Variants in NPAS3 observed in about 807,000 individuals in gnomAD.
NPAS3 encodes neuronal PAS domain protein 3.
A neutral mutation model predicts 73.1 loss-of-function variants in NPAS3; 14 were observed. The observed-to-expected ratio is 0.19, with a 90% CI of 0.13 to 0.30. NPAS3 has a LOEUF of 0.30. Ranked by LOEUF, NPAS3 falls within the 10% of genes least tolerant of loss-of-function variation. The probability of loss-of-function intolerance (pLI) is 1.00; values close to 1 mark genes in which losing one functional copy is unlikely to be tolerated. For synonymous variants in NPAS3, 620 were observed against 541.5 expected, an observed-to-expected ratio of 1.14 and a Z score of -2.01; for missense variants, 1,096 against 1,250.0, an observed-to-expected ratio of 0.88 and a Z score of 1.86.
At chr14:33,250,639 A>G (rs894949020) in intron 3 of NPAS3, among the ~76,000 whole-genome samples, 3 of 152,076 alleles carry the variant, frequency 2.0e-5, no homozygotes, top group African/African-American at 7.2e-5. Context: ...AGTTATATTT[A>G]TTTGAATGAT....
chr14:33,165,171 G>A (rs975270165), intron 2 of NPAS3, among the ~76,000 whole-genome samples: 7 of 152,046 alleles, frequency 4.6e-5, no homozygotes, highest in South Asian at 4.2e-4. Context: ...TCGGCCTGTC[G>A]GAAAGCACTG....
intron 4 of NPAS3, among the ~76,000 whole-genome samples, chr14:33,444,981 C>T (rs1447797999): frequency 2.0e-5 from 3 of 152,236 alleles, no homozygotes; most frequent in African/African-American, 4.8e-5. Context: ...ATGATCTTCT[C>T]TCACAGCAAC....
intron 5 of NPAS3, among the ~76,000 whole-genome samples, chr14:33,642,335 C>A (rs915521966): frequency 6.6e-5 from 10 of 152,050 alleles, no homozygotes; most frequent in Non-Finnish European, 1.0e-4. Context: ...TTGTTTTAAG[C>A]CAGGCATGTT....
intron 2 of NPAS3, among the ~76,000 whole-genome samples, chr14:33,140,845 A>G (rs2044019943): frequency 6.6e-6 from 1 of 152,212 alleles, no homozygotes; most frequent in African/African-American, 2.4e-5. Context: ...GACTGGCTGC[A>G]TTTGGAAGTG....
chr14:32,938,282 C>A (rs180714886), upstream of NPAS3, among the ~76,000 whole-genome samples: 207 of 152,158 alleles, frequency 1.4e-3, no homozygotes, highest in Non-Finnish European at 2.2e-3. Context: ...TCCGCTGCCC[C>A]CAAGGAGCTC....
intron 3 of NPAS3, among the ~76,000 whole-genome samples, chr14:33,251,970 T>C (rs1238135397): frequency 6.6e-6 from 1 of 152,080 alleles, no homozygotes; most frequent in Non-Finnish European, 1.5e-5. Context: ...TACTTCTTTA[T>C]TCATGCCCCA....
chr14:33,554,744 ACTCTGTGAAATTTGGC>A lies in NPAS3; in HGVS notation c.469-5376_469-5361del, dbSNP rs2055278077. ...TAAAGGAGCACCATGGTAAGATGTC[ACTCTGTGAAATTTGGC>A]TGCAGAGGAATATGCACAAAAAGGA... On this transcript the variant is annotated intron_variant, in intron 4 of 11. Transcript: ENST00000356141. Among the ~76,000 whole-genome samples the A allele has an allele frequency of 3.3e-5, 5 of 152,282 alleles. No homozygotes were observed. The South Asian group carries it at 1.0e-3, about 32-fold the overall frequency.
intron 3 of NPAS3, among the ~76,000 whole-genome samples, chr14:33,346,690 G>A (rs568793563): frequency 2.0e-5 from 3 of 152,248 alleles, no homozygotes; most frequent in Admixed American, 6.5e-5. Flanking sequence ...GTTAAGCAGA[G>A]CTTGAGTTCC....
At chr14:33,224,061 A>C (rs1157180337) in intron 3 of NPAS3, among the ~76,000 whole-genome samples, 1 of 152,134 alleles carries the variant, frequency 6.6e-6, no homozygotes, top group Non-Finnish European at 1.5e-5. Flanking sequence ...ATCACATCCA[A>C]CTTATTTTAA....
At chr14:33,409,765 G>C (rs1024858330) in intron 4 of NPAS3, among the ~76,000 whole-genome samples, 2 of 152,154 alleles carry the variant, frequency 1.3e-5, no homozygotes, top group African/African-American at 4.8e-5. Context: ...TTACTACAGA[G>C]AAGAGTAAGA....
intron 1 of NPAS3, among the ~76,000 whole-genome samples, chr14:32,998,851 C>T (rs1480575056): frequency 6.6e-6 from 1 of 152,180 alleles, no homozygotes; most frequent in Admixed American, 6.5e-5. Flanking sequence ...TTGCCCCTCC[C>T]CAGGCAGTAG....
At chr14:33,658,903 T>C (rs116919463) in intron 5 of NPAS3, among the ~76,000 whole-genome samples, 6 of 152,268 alleles carry the variant, frequency 3.9e-5, no homozygotes, top group Non-Finnish European at 7.4e-5. Flanking sequence ...AAAGATCAGA[T>C]TCAACAGCCC....
At chr14:33,057,967 C>G (rs546087631) in intron 2 of NPAS3, among the ~76,000 whole-genome samples, 1 of 152,176 alleles carries the variant, frequency 6.6e-6, no homozygotes, top group East Asian at 1.9e-4. Flanking sequence ...GCCGGGTATT[C>G]CGATTTTATC....
At chr14:33,412,246 G>A (rs1295591037) in intron 4 of NPAS3, among the ~76,000 whole-genome samples, 1 of 151,982 alleles carries the variant, frequency 6.6e-6, no homozygotes, top group Admixed American at 6.6e-5. Context: ...AGCCTCCCGA[G>A]TAGCTGGGAC....
intron 2 of NPAS3, among the ~76,000 whole-genome samples, chr14:33,114,625 C>T (rs901290135): frequency 5.3e-5 from 8 of 152,256 alleles, no homozygotes; most frequent in African/African-American, 1.9e-4. Context: ...TCCTCTCTGT[C>T]TGAGCCTTCC....
intron 5 of NPAS3, among the ~76,000 whole-genome samples, chr14:33,563,077 G>C (rs7147983): frequency 0.8 from 122,049 of 152,076 alleles, 49,078 homozygotes; most frequent in Admixed American, 0.82. Flanking sequence ...GTGTAACTCT[G>C]TCATCAAAGA....
At chr14:33,093,822 A>C (rs2138833020) in intron 2 of NPAS3, among the ~76,000 whole-genome samples, 1 of 152,304 alleles carries the variant, frequency 6.6e-6, no homozygotes, top group South Asian at 2.1e-4. Flanking sequence ...CTTTGTAGGG[A>C]CAAGGATGAA....
intron 4 of NPAS3, among the ~76,000 whole-genome samples, chr14:33,397,204 T>A (rs996329325): frequency 7.2e-5 from 11 of 152,108 alleles, no homozygotes; most frequent in African/African-American, 1.9e-4. Context: ...TGGTTCTCTG[T>A]CTCTTAACTC....
intron 5 of NPAS3, among the ~76,000 whole-genome samples, chr14:33,580,564 G>T (rs1024077935): frequency 3.9e-5 from 6 of 152,132 alleles, no homozygotes; most frequent in African/African-American, 1.4e-4. Context: ...AGCCACGGTA[G>T]TTCCCCTCCA....
Sources: allele counts gnomAD v4.1 joint callset (sites outside exome capture counted in the v4.1 genomes callset), GRCh38; gene constraint gnomAD v4.1.1; transcripts MANE v1.5; gene names NCBI Gene and HGNC (gene_info 2026-07-23, HGNC 2026-07-21).